SMIM13: variants seen among roughly 807,000 people sequenced by gnomAD.
The protein encoded by SMIM13 is small integral membrane protein 13, also known as UPF0766 protein C6orf228.
In SMIM13, 3 loss-of-function variants were observed where a neutral mutation model predicts 5.9. The ratio of observed to expected loss-of-function variants is 0.51; its 90% CI spans 0.23 to 1.31. SMIM13 has a LOEUF of 1.31. Ranked by LOEUF, SMIM13 falls within the 40% of genes most tolerant of loss-of-function variation. The pLI, the probability that SMIM13 is intolerant of heterozygous loss-of-function variation, is 0.18. For missense variants in SMIM13, 85 were observed against 109.9 expected (o/e 0.77, Z 1.01); for synonymous variants, 55 against 46.0 (o/e 1.19, Z -0.79).
intron 1 of SMIM13, among the ~76,000 whole-genome samples, chr6:11,114,304 C>G (rs559044502): frequency 1.3e-5 from 2 of 152,178 alleles, no homozygotes; most frequent in East Asian, 1.9e-4. Context: ...GTACATTTGT[C>G]TTTTAGCTTT....
chr6:11,134,426 T>C lies in SMIM13; in HGVS notation c.100T>C (p.Phe34Leu). ...AGGTTGGTATTTTGTATGGCATCTT[T>C]TTTTATCAAAATTCAAGTTTCTCCG... Reference protein sequence around the residue: ...VCGWYFVWHLFLSKFKFLREL... With the variant: ...VCGWYFVWHLLLSKFKFLREL... Residue 34 changes from phenylalanine (F) to leucine (L), a missense_variant, in exon 2 of 2, where the codon TTT (phenylalanine) becomes CTT (leucine). By Grantham distance (22) the Phe-to-Leu change is conservative (BLOSUM62 0). Coordinates refer to ENST00000416247, the MANE Select transcript of SMIM13 (RefSeq NM_001135575.2). 6.4e-7 allele frequency: 1 copy of C among 1,551,070 alleles called. No homozygotes were observed. Among genetic ancestry groups the C allele is most frequent in the Admixed American group, 2.0e-5 (1 of 50,914 alleles).
At chr6:11,133,175 A>G (rs1758472560) in intron 1 of SMIM13, among the ~76,000 whole-genome samples, 1 of 152,212 alleles carries the variant, frequency 6.6e-6, no homozygotes, top group Non-Finnish European at 1.5e-5. Flanking sequence ...AATTTTGGGT[A>G]AAGAGAGAAG....
chr6:11,105,118 A>C, intron 1 of SMIM13: 1 of 1,614,190 alleles, frequency 6.2e-7, no homozygotes, highest in Non-Finnish European at 8.5e-7. Context: ...ATGCTTGTCC[A>C]TTCTCTGGGC....
chr6:11,125,584 CAG>C (rs1758367268), intron 1 of SMIM13, among the ~76,000 whole-genome samples: 1 of 152,272 alleles, frequency 6.6e-6, no homozygotes, highest in African/African-American at 2.4e-5. Flanking sequence ...GCCTGGGTGA[CAG>C]AGCGAGACCC....
chr6:11,124,126 C>G (rs935753861), intron 1 of SMIM13, among the ~76,000 whole-genome samples: 2 of 151,758 alleles, frequency 1.3e-5, no homozygotes, highest in African/African-American at 4.8e-5. Context: ...GTTTTTGTAC[C>G]CATTAACCAT....
intron 1 of SMIM13, among the ~76,000 whole-genome samples, chr6:11,133,451 T>A (rs979036964): frequency 6.6e-6 from 1 of 152,210 alleles, no homozygotes; most frequent in African/African-American, 2.4e-5. Flanking sequence ...TTGGCCTGGA[T>A]TAACACGGCT....
intron 1 of SMIM13, among the ~76,000 whole-genome samples, chr6:11,097,892 C>CT (rs977164461): frequency 9.2e-5 from 14 of 151,446 alleles, no homozygotes; most frequent in South Asian, 4.2e-4. Flanking sequence ...GTGAACCTTT[C>CT]TTTTTTTTTA....
intron 1 of SMIM13, among the ~76,000 whole-genome samples, chr6:11,131,042 C>T (rs1275941573): frequency 1.3e-5 from 2 of 152,050 alleles, no homozygotes; most frequent in African/African-American, 4.8e-5. Flanking sequence ...TTAGATATTA[C>T]AAGTGAGTTC....
At chr6:11,113,567 A>T (rs1280057321) in intron 1 of SMIM13, among the ~76,000 whole-genome samples, 1 of 151,936 alleles carries the variant, frequency 6.6e-6, no homozygotes. Flanking sequence ...TCTATTCTGT[A>T]GCTTGCCTTT....
At chr6:11,094,495 G>A (rs964543411) in intron 1 of SMIM13, 106 bp downstream of exon 1, 8 of 873,138 alleles carry the variant, frequency 9.2e-6, no homozygotes, top group East Asian at 2.9e-5. Context: ...GGGCGTGGAC[G>A]GACAATTGTC....
intron 1 of SMIM13, among the ~76,000 whole-genome samples, chr6:11,097,963 T>G (rs1294138304): frequency 6.6e-6 from 1 of 152,006 alleles, no homozygotes; most frequent in Non-Finnish European, 1.5e-5. Flanking sequence ...CCCACCCAAT[T>G]TCTGAGATTT....
intron 1 of SMIM13, among the ~76,000 whole-genome samples, chr6:11,099,375 A>G (rs1207679947): frequency 6.6e-6 from 1 of 152,050 alleles, no homozygotes; most frequent in Non-Finnish European, 1.5e-5. Context: ...GGGTTTCACC[A>G]TGTTGGCCAG....
intron 1 of SMIM13, among the ~76,000 whole-genome samples, chr6:11,113,476 A>T (rs904982699): frequency 3.9e-5 from 6 of 152,114 alleles, no homozygotes; most frequent in Admixed American, 2.0e-4. Flanking sequence ...TGTTACTTTT[A>T]TCAAGTTGTA....
intron 1 of SMIM13, among the ~76,000 whole-genome samples, chr6:11,118,170 C>T (rs955671112): frequency 2.0e-5 from 2 of 100,780 alleles, no homozygotes; most frequent in African/African-American, 9.7e-5. Flanking sequence ...CACCTATGGC[C>T]AGTATATGGT....
chr6:11,120,437 G>A (rs1265966373), intron 1 of SMIM13, among the ~76,000 whole-genome samples: 2 of 152,176 alleles, frequency 1.3e-5, no homozygotes, highest in Admixed American at 6.5e-5. Context: ...CATGGCAGAA[G>A]GGGAAGGAGT....
At chr6:11,107,764 A>T (rs1758108533) in intron 1 of SMIM13, among the ~76,000 whole-genome samples, 1 of 152,092 alleles carries the variant, frequency 6.6e-6, no homozygotes, top group Non-Finnish European at 1.5e-5. Context: ...TGTATTTTTC[A>T]TTGCTCTTTT....
chr6:11,098,961 T>G (rs1229777837), intron 1 of SMIM13, among the ~76,000 whole-genome samples: 1 of 152,248 alleles, frequency 6.6e-6, no homozygotes. Flanking sequence ...AATAAAATGT[T>G]TATGGACTAG....
chr6:11,133,230 G>C lies in SMIM13; in HGVS notation c.77-1173G>C, dbSNP rs1437448749. On this transcript the variant is annotated intron_variant, in intron 1 of 1. Transcript: ENST00000416247. Reference sequence around the variant, plus strand: ...TTAAAATAATATTTTACAAAGTTGGGTGCTTTACTCAAACACACAGTTGAC... The same window carrying C: ...TTAAAATAATATTTTACAAAGTTGGCTGCTTTACTCAAACACACAGTTGAC... 5.9e-5 allele frequency among the ~76,000 whole-genome samples: 9 copies of C among 152,228 alleles called. 1 individual carries two copies. The highest frequency in any genetic ancestry group is 2.2e-4 in the African/African-American group (9 of 41,542).
intron 1 of SMIM13, among the ~76,000 whole-genome samples, chr6:11,133,909 T>C (rs192816002): frequency 8.1e-4 from 123 of 152,264 alleles, no homozygotes; most frequent in Non-Finnish European, 2.4e-4. Context: ...TGAAAAATTA[T>C]TTCCAGAAAC....
Sources: allele counts gnomAD v4.1 joint callset (sites outside exome capture counted in the v4.1 genomes callset), GRCh38; gene constraint gnomAD v4.1.1; transcripts MANE v1.5; gene names NCBI Gene and HGNC (gene_info 2026-07-23, HGNC 2026-07-21).